AGPS: variants seen among roughly 807,000 people sequenced by gnomAD.
The protein encoded by AGPS is alkyldihydroxyacetonephosphate synthase, peroxisomal.
A neutral mutation model predicts 90.7 loss-of-function variants in AGPS; 26 were observed. That is an observed-to-expected ratio of 0.29 (90% CI 0.21 to 0.40). AGPS has a LOEUF of 0.40. AGPS is among the 10% of genes least tolerant of loss of function. The pLI, the probability that AGPS is intolerant of heterozygous loss-of-function variation, is 1.00. For missense variants in AGPS, 540 were observed against 816.1 expected, an observed-to-expected ratio of 0.66 and a Z score of 4.12; for synonymous variants, 294 against 285.3, an observed-to-expected ratio of 1.03 and a Z score of -0.31.
Position 177,461,890 on chromosome 2 carries a change from C to T in AGPS, c.871-3C>T. ...TGTAAAATGTTAAATTTTTGTTTTT[C>T]AGCTTAAAGAAAGTGGTTATTGTAC... On this transcript the variant is annotated splice_polypyrimidine_tract_variant and splice_region_variant and intron_variant, in intron 8 of 19. Coordinates refer to ENST00000264167, the MANE Select transcript of AGPS (RefSeq NM_003659.4). The T allele has an allele frequency of 6.2e-7, 1 of 1,604,928 alleles. No individual in the cohort carries two copies. The highest frequency in any genetic ancestry group is 1.3e-5 in the African/African-American group (1 of 74,464).
chr2:177,531,699 G>GA (rs545182414), intron 19 of AGPS, among the ~76,000 whole-genome samples: 192 of 152,084 alleles, frequency 1.3e-3, no homozygotes, highest in African/African-American at 4.5e-3. Flanking sequence ...AAACAAATTT[G>GA]AAAAAATGAA....
At chr2:177,427,526 C>T (rs1686119260) in intron 2 of AGPS, among the ~76,000 whole-genome samples, 1 of 152,124 alleles carries the variant, frequency 6.6e-6, no homozygotes, top group African/African-American at 2.4e-5. Context: ...TAGCTGCACC[C>T]CAGAGATTCT....
At chr2:177,490,396 G>A (rs1350833946) in intron 11 of AGPS, among the ~76,000 whole-genome samples, 1 of 151,930 alleles carries the variant, frequency 6.6e-6, no homozygotes, top group East Asian at 1.9e-4. Context: ...TAAAAATCTG[G>A]TACTATTGAA....
intron 1 of AGPS, among the ~76,000 whole-genome samples, chr2:177,394,605 G>C (rs1341820418): frequency 6.6e-6 from 1 of 152,172 alleles, no homozygotes. Flanking sequence ...GCAAATTGAA[G>C]ACAGTTGAGC....
chr2:177,443,824 T>A (rs1686685459), intron 7 of AGPS, among the ~76,000 whole-genome samples: 1 of 152,320 alleles, frequency 6.6e-6, no homozygotes, highest in South Asian at 2.1e-4. Flanking sequence ...ATATATGGGA[T>A]GTAATAGGGT....
At chr2:177,458,236 C>T (rs1687178606) in intron 8 of AGPS, among the ~76,000 whole-genome samples, 1 of 152,132 alleles carries the variant, frequency 6.6e-6, no homozygotes, top group South Asian at 2.1e-4. Context: ...CAATATCATA[C>T]CGAATGGGCA....
chr2:177,447,456 A>G (rs921423767), intron 8 of AGPS, among the ~76,000 whole-genome samples: 1 of 152,094 alleles, frequency 6.6e-6, no homozygotes, highest in Non-Finnish European at 1.5e-5. Context: ...AAACCTCTAA[A>G]AAGTCCTGTA....
intron 10 of AGPS, among the ~76,000 whole-genome samples, chr2:177,476,473 TC>T (rs1687784648): frequency 6.6e-6 from 1 of 152,152 alleles, no homozygotes; most frequent in South Asian, 2.1e-4. Flanking sequence ...TAGTTAGCTT[TC>T]CAATTTCTTT....
At chr2:177,402,349 G>T (rs945018338) in intron 1 of AGPS, among the ~76,000 whole-genome samples, 1 of 152,206 alleles carries the variant, frequency 6.6e-6, no homozygotes, top group Non-Finnish European at 1.5e-5. Context: ...GACTGGTGCA[G>T]CTGGACTCAA....
intron 11 of AGPS, among the ~76,000 whole-genome samples, chr2:177,482,467 T>C (rs1446857929): frequency 4.6e-5 from 7 of 151,960 alleles, no homozygotes; most frequent in African/African-American, 1.7e-4. Flanking sequence ...AGTACTTTGA[T>C]TGGTAGCTTC....
chr2:177,518,419 A>G lies in AGPS; in HGVS notation c.1698-2850A>G, dbSNP rs139645347. 2.7e-3 allele frequency among the ~76,000 whole-genome samples: 414 copies of G among 152,140 alleles called. 3 individuals carry two copies. Among genetic ancestry groups the G allele is most frequent in the Non-Finnish European group, 7.4e-4 (50 of 67,974 alleles). On this transcript the variant is annotated intron_variant, in intron 17 of 19. Coordinates refer to ENST00000264167, the MANE Select transcript of AGPS (RefSeq NM_003659.4). The stretch of plus-strand genomic sequence containing the variant: ...CCACTACACTCCAGCCTGGGCAACA[A>G]TAGCAAAACTACATCTCAAAAGAAA...
intron 2 of AGPS, among the ~76,000 whole-genome samples, chr2:177,421,174 A>G (rs1052528354): frequency 6.6e-6 from 1 of 152,038 alleles, no homozygotes; most frequent in Admixed American, 6.6e-5. Flanking sequence ...GAATTTTGAT[A>G]CATTTGAAAG....
chr2:177,524,413 A>ATGG (rs2079061963), intron 19 of AGPS, among the ~76,000 whole-genome samples: 2 of 152,184 alleles, frequency 1.3e-5, no homozygotes, highest in African/African-American at 2.4e-5. Context: ...TAATGAGGCA[A>ATGG]CCCTTTAAAA....
At chr2:177,418,751 T>C (rs943230090) in intron 1 of AGPS, among the ~76,000 whole-genome samples, 2 of 151,928 alleles carry the variant, frequency 1.3e-5, no homozygotes, top group African/African-American at 4.8e-5. Flanking sequence ...CCTAATCTGT[T>C]TTTAGAATGT....
intron 2 of AGPS, among the ~76,000 whole-genome samples, chr2:177,424,881 T>C (rs911318327): frequency 3.9e-5 from 6 of 152,236 alleles, no homozygotes; most frequent in Non-Finnish European, 5.9e-5. Context: ...ATGTCTTCTT[T>C]TGAGAAGTGT....
chr2:177,424,080 C>T (rs1434800255), intron 2 of AGPS, among the ~76,000 whole-genome samples: 1 of 152,134 alleles, frequency 6.6e-6, no homozygotes, highest in Non-Finnish European at 1.5e-5. Context: ...GCCCACTATC[C>T]ATTAGCTGTT....
At chr2:177,406,824 G>A (rs1190575648) in intron 1 of AGPS, among the ~76,000 whole-genome samples, 1 of 152,178 alleles carries the variant, frequency 6.6e-6, no homozygotes. Flanking sequence ...TTATGCTTCA[G>A]CCAATTTTAT....
chr2:177,516,647 A>G (rs1689029822), intron 17 of AGPS, among the ~76,000 whole-genome samples: 2 of 152,178 alleles, frequency 1.3e-5, no homozygotes, highest in Non-Finnish European at 2.9e-5. Context: ...CTGTTCATCT[A>G]CTGAAAACTG....
chr2:177,394,139 C>T (rs1479840103), intron 1 of AGPS, among the ~76,000 whole-genome samples: 1 of 152,112 alleles, frequency 6.6e-6, no homozygotes, highest in Non-Finnish European at 1.5e-5. Context: ...TGAATTAATT[C>T]AACATACATG....
Sources: gnomAD v4.1 joint callset for allele counts (sites outside exome capture counted in the v4.1 genomes callset) on GRCh38, gnomAD v4.1.1 for gene constraint, MANE v1.5 for transcripts, NCBI Gene and HGNC (gene_info 2026-07-23, HGNC 2026-07-21) for gene names.